Variants in NELL1 observed in about 807,000 individuals in gnomAD.
The protein encoded by NELL1 is protein kinase C-binding protein NELL1.
Under a neutral mutation model 107.4 loss-of-function variants are expected in NELL1, and 76 were observed. The observed-to-expected ratio is 0.71, with a 90% CI of 0.59 to 0.86. The LOEUF (loss-of-function observed/expected upper bound fraction) is 0.86. Among genes scored for constraint, NELL1 ranks in the 40% least tolerant of loss-of-function variants. The pLI is 0.00. For synonymous variants in NELL1, 353 were observed against 341.2 expected (o/e 1.03, Z -0.38); for missense variants, 1,024 against 1,005.5 (o/e 1.02, Z -0.25).
chr11:20,767,685 T>C (rs1856559673), intron 2 of NELL1, among the ~76,000 whole-genome samples: 1 of 152,200 alleles, frequency 6.6e-6, no homozygotes, highest in African/African-American at 2.4e-5. Flanking sequence ...GCTATTGGCC[T>C]AGGTACAGTG....
At chr11:20,948,765 T>TAAAA (rs35915453) in intron 11 of NELL1, among the ~76,000 whole-genome samples, 1 of 107,278 alleles carries the variant, frequency 9.3e-6, no homozygotes, top group South Asian at 3.4e-4. Context: ...TTCAAAATCT[T>TAAAA]AAAAAAAAAA....
At chr11:20,778,898 A>C (rs1053049278) in intron 2 of NELL1, among the ~76,000 whole-genome samples, 5 of 152,180 alleles carry the variant, frequency 3.3e-5, no homozygotes, top group African/African-American at 1.2e-4. Context: ...GAGTGTGAGC[A>C]GTGGGAAGCA....
At chr11:21,158,520 A>C (rs2133796314) in intron 13 of NELL1, among the ~76,000 whole-genome samples, 1 of 152,316 alleles carries the variant, frequency 6.6e-6, no homozygotes, top group Admixed American at 6.5e-5. Flanking sequence ...TAAATACATA[A>C]TCATTTGAAT....
chr11:21,387,523 T>C (rs1244796888), intron 15 of NELL1, among the ~76,000 whole-genome samples: 3 of 151,910 alleles, frequency 2.0e-5, no homozygotes, highest in Non-Finnish European at 2.9e-5. Flanking sequence ...ACTGAGATTA[T>C]GTACTGGTAA....
chr11:21,166,671 C>T lies in NELL1; in HGVS notation c.1426+52957C>T, dbSNP rs192719266. Among the ~76,000 whole-genome samples, 21 of 151,942 alleles carry T rather than the reference C, an allele frequency of 1.4e-4. 1 individual carries two copies. The highest frequency in any genetic ancestry group is 3.9e-4 in the African/African-American group (16 of 41,300). On this transcript the variant is annotated intron_variant, in intron 13 of 19. Transcript: ENST00000357134. ...AAAATCTGTCTTTTCTCTAGTATTT[C>T]CTATTTCTATAAATAGTACCATAAT...
rs536832342 is a variant in NELL1, at chr11:21,012,322, C to T, written c.1300+51762C>T. On this transcript the variant is annotated intron_variant, in intron 12 of 19. Transcript: ENST00000357134. Reference sequence around the variant, plus strand: ...TCAACATTCAGAGTTGTTCTCCCTGCCAGCCTTCCATTCAAGACCACACAG... The same window carrying T: ...TCAACATTCAGAGTTGTTCTCCCTGTCAGCCTTCCATTCAAGACCACACAG... Among the ~76,000 whole-genome samples the T allele has an allele frequency of 3.3e-5, 5 of 152,236 alleles. No individual in the cohort carries two copies. In the South Asian group the frequency reaches 1.0e-3, roughly 32 times the overall value.
At chr11:21,377,417 C>G (rs1364108758) in intron 15 of NELL1, among the ~76,000 whole-genome samples, 3 of 152,058 alleles carry the variant, frequency 2.0e-5, no homozygotes, top group African/African-American at 7.2e-5. Context: ...GGTGAGTTAA[C>G]TTTTTCATAT....
At chr11:21,450,470 G>C (rs1441895791) in intron 15 of NELL1, among the ~76,000 whole-genome samples, 1 of 152,198 alleles carries the variant, frequency 6.6e-6, no homozygotes, top group East Asian at 1.9e-4. Flanking sequence ...GATTTATGCT[G>C]CTGAGGTATA....
intron 13 of NELL1, among the ~76,000 whole-genome samples, chr11:21,127,137 A>G (rs976710017): frequency 2.0e-5 from 3 of 152,194 alleles, no homozygotes; most frequent in Non-Finnish European, 4.4e-5. Context: ...GGTTGGACAC[A>G]AGGATGGAGT....
chr11:21,529,109 T>A (rs559480286), intron 15 of NELL1, among the ~76,000 whole-genome samples: 1 of 152,246 alleles, frequency 6.6e-6, no homozygotes, highest in Admixed American at 6.5e-5. Context: ...AAATAGCCTA[T>A]GACAGTTTCA....
At chr11:21,429,764 AT>A (rs1197872508) in intron 15 of NELL1, among the ~76,000 whole-genome samples, 1 of 152,200 alleles carries the variant, frequency 6.6e-6, no homozygotes, top group Non-Finnish European at 1.5e-5. Context: ...TCCCTTGTCT[AT>A]AACATAAATT....
At chr11:21,116,535 A>G (rs1332862932) in intron 13 of NELL1, among the ~76,000 whole-genome samples, 2 of 152,156 alleles carry the variant, frequency 1.3e-5, no homozygotes, top group Middle Eastern at 3.4e-3. Flanking sequence ...CTTAACATGG[A>G]TAAGACAGAA....
intron 11 of NELL1, among the ~76,000 whole-genome samples, chr11:20,956,847 A>C (rs981455428): frequency 1.4e-4 from 22 of 152,336 alleles, no homozygotes; most frequent in Admixed American, 3.9e-4. Flanking sequence ...TTTAAAGATG[A>C]TAAAGCATCT....
At chr11:20,731,749 T>A (rs1209881571) in intron 2 of NELL1, among the ~76,000 whole-genome samples, 1 of 152,178 alleles carries the variant, frequency 6.6e-6, no homozygotes, top group Non-Finnish European at 1.5e-5. Context: ...AGGGTTACTA[T>A]AAGGATGAAA....
At chr11:20,814,287 C>T (rs533598364) in intron 3 of NELL1, among the ~76,000 whole-genome samples, 1 of 152,356 alleles carries the variant, frequency 6.6e-6, no homozygotes, top group East Asian at 1.9e-4. Flanking sequence ...AGCCACCACA[C>T]CCAGCCTAAA....
At chr11:21,028,490 A>G (rs934918827) in intron 12 of NELL1, among the ~76,000 whole-genome samples, 9 of 152,172 alleles carry the variant, frequency 5.9e-5, no homozygotes, top group Non-Finnish European at 1.3e-4. Context: ...ATAACAGGTA[A>G]TGCCCACTGA....
intron 15 of NELL1, among the ~76,000 whole-genome samples, chr11:21,477,034 G>A (rs1044499648): frequency 2.0e-5 from 3 of 152,124 alleles, no homozygotes; most frequent in African/African-American, 7.2e-5. Context: ...AGGCTACAAG[G>A]ACTGCAATTC....
chr11:20,747,604 AC>A (rs1173775969), intron 2 of NELL1, among the ~76,000 whole-genome samples: 2 of 152,196 alleles, frequency 1.3e-5, no homozygotes, highest in African/African-American at 2.4e-5. Flanking sequence ...TGAAAGCAGA[AC>A]CCTTATCACC....
Position 20,928,378 on chromosome 11 carries a change from G to C in NELL1, c.896G>C (p.Ser299Thr). The C allele has an allele frequency of 1.2e-6, 2 of 1,613,456 alleles. No individual in the cohort carries two copies. The highest frequency in any genetic ancestry group is 1.7e-6 in the Non-Finnish European group (2 of 1,179,424). The change falls in exon 9 of 20, where the codon AGT becomes ACT. Residue 299 changes from serine (S) to threonine (T), a missense_variant and splice_region_variant. By Grantham distance (58) the Ser-to-Thr change is moderately conservative (BLOSUM62 1). Transcript: ENST00000357134. The part of the protein sequence containing the change: ...GDHCRNCTCK[S>T]GAVECRRMSC... ...TGTTCCATGTCCTTCCTTCCTCAGA[G>C]TGGTGCCGTGGAATGCCGAAGGATG...
Sources: gnomAD v4.1 joint callset for allele counts (sites outside exome capture counted in the v4.1 genomes callset) on GRCh38, gnomAD v4.1.1 for gene constraint, MANE v1.5 for transcripts, NCBI Gene and HGNC (gene_info 2026-07-23, HGNC 2026-07-21) for gene names.